Variants in INPP5B observed in about 807,000 individuals in gnomAD.
INPP5B encodes inositol polyphosphate-5-phosphatase B.
In INPP5B, 90 loss-of-function variants were observed where a neutral mutation model predicts 118.5. The observed-to-expected ratio is 0.76, with a 90% CI of 0.64 to 0.90. The LOEUF is 0.90. Ranked by LOEUF, INPP5B falls within the 40% of genes least tolerant of loss-of-function variation. INPP5B has a pLI of 0.00. For missense variants in INPP5B, 984 were observed against 1,125.6 expected (o/e 0.87, Z 1.80); for synonymous variants, 385 against 418.9 (o/e 0.92, Z 0.99).
At chr1:37,930,703 A>C (rs1246298003) in intron 7 of INPP5B, 1 of 152,272 alleles carries the variant, frequency 6.6e-6, no homozygotes, top group Non-Finnish European at 1.5e-5. Flanking sequence ...ACAAGCACCG[A>C]GGAAGTCCTC....
intron 6 of INPP5B, among the ~76,000 whole-genome samples, chr1:37,938,226 G>A (rs541087668): frequency 4.0e-5 from 6 of 151,382 alleles, no homozygotes; most frequent in South Asian, 2.1e-4. Flanking sequence ...CCGAGATTGC[G>A]CCATTGCACT....
intron 3 of INPP5B, among the ~76,000 whole-genome samples, chr1:37,945,025 T>C (rs1337200241): frequency 1.3e-5 from 2 of 151,968 alleles, no homozygotes; most frequent in Non-Finnish European, 2.9e-5. Context: ...TTCCAACACT[T>C]TGGGAGGCTG....
chr1:37,875,519 T>G, intron 17 of INPP5B, 87 bp downstream of exon 17: 1 of 926,978 alleles, frequency 1.1e-6, no homozygotes, highest in South Asian at 1.4e-5. Flanking sequence ...CTGCCCACCT[T>G]GGCCTCCCAA....
intron 7 of INPP5B, among the ~76,000 whole-genome samples, chr1:37,912,518 C>T (rs991513022): frequency 6.6e-5 from 10 of 152,274 alleles, no homozygotes; most frequent in African/African-American, 2.4e-4. Context: ...TTGTTCTGTG[C>T]CCCAAAAACT....
chr1:37,876,837 G>A (rs372118377), intron 16 of INPP5B, among the ~76,000 whole-genome samples: 128 of 151,746 alleles, frequency 8.4e-4, no homozygotes, highest in East Asian at 6.7e-3. Context: ...CCGAGATGGC[G>A]CCACTGCACT....
intron 16 of INPP5B, among the ~76,000 whole-genome samples, chr1:37,876,571 A>AG (rs1642825089): frequency 6.7e-6 from 1 of 148,670 alleles, no homozygotes; most frequent in South Asian, 2.1e-4. Flanking sequence ...AAAAAAAAAA[A>AG]AAAAAAAAAA....
rs559364141 is a variant in INPP5B, at chr1:37,943,747, C to T, written c.250+49G>A. On this transcript the variant is annotated intron_variant, in intron 4 of 23. Coordinates refer to ENST00000373024, the MANE Select transcript of INPP5B (RefSeq NM_005540.3). ...CCCCCCCATCAAGGACAAAGATGAG[C>T]TGGGGGGCCCATAGGAGAGGATTCA... The T allele has an allele frequency of 4.3e-6, 7 of 1,609,908 alleles. No individual in the cohort carries two copies. The African/African-American group carries it at 9.3e-5, about 21-fold the overall frequency.
rs1643605853 is a variant in INPP5B at position 37,887,417 on chromosome 1, G to C, written c.948C>G (p.Thr316=). The C allele has an allele frequency of 6.2e-7, 1 of 1,613,510 alleles. No individual in the cohort carries two copies. The highest frequency in any genetic ancestry group is 1.1e-5 in the South Asian group (1 of 91,038). The change falls in exon 11 of 24, where the codon ACC becomes ACG. Residue 316 remains threonine, a synonymous_variant. Transcript: ENST00000373024. ...CTTTGAACCACTCTTCCTCCTTTGG[G>C]GTATCGTGAAAGAAAAAAGCTTCCT... The part of the protein sequence containing the change: ...LSKEAFFFHD[T]PKEEEWFKAV...
In INPP5B at chr1:37,867,647, TA is replaced by T. The variant is rs1642127289; in HGVS notation, c.2301+853del. ...GAAAATGGAATATCATAAGAATGTATATTTTTTTAAAAAAAGGATGTTGCTC... is the reference window on the plus strand; with the variant it reads ...GAAAATGGAATATCATAAGAATGTATTTTTTTTAAAAAAAGGATGTTGCTC... On this transcript the variant is annotated intron_variant, in intron 20 of 23. Coordinates refer to ENST00000373024, the MANE Select transcript of INPP5B (RefSeq NM_005540.3). Among the ~76,000 whole-genome samples the T allele has an allele frequency of 2.6e-5, 4 of 152,210 alleles. 1 individual carries two copies. The highest frequency in any genetic ancestry group is 2.0e-4 in the Admixed American group (3 of 15,284).
rs763066919 is a variant in INPP5B, at chr1:37,862,321, T to C, written c.2736A>G (p.Pro912=). 1.2e-6 allele frequency: 2 copies of C among 1,606,916 alleles called. No homozygotes were observed. Among genetic ancestry groups the C allele is most frequent in the Admixed American group, 1.7e-5 (1 of 59,976 alleles). ...QEFIHQFLCN[P]L is the part of the protein sequence containing the mutation. ...AATAGGAGGAGAGAGAGGCTCAGAGTGGGTTGCAGAGGAACTGGTGAATAA... is the reference window on the plus strand; with the variant it reads ...AATAGGAGGAGAGAGAGGCTCAGAGCGGGTTGCAGAGGAACTGGTGAATAA... Residue 912 remains proline, a synonymous_variant, in exon 24 of 24, where the codon CCA becomes CCG. Coordinates refer to ENST00000373024, the MANE Select transcript of INPP5B (RefSeq NM_005540.3).
chr1:37,866,034 C>G lies in INPP5B; in HGVS notation c.2387-146G>C, dbSNP rs1642008477. ...TGCCAGCCTAACTTCTCGAAGGGAC[C>G]ACACTGTTTGTCAGGTGAGCCAGGC... is the stretch of plus-strand genomic sequence containing the variant. On this transcript the variant is annotated intron_variant, in intron 21 of 23. Coordinates refer to ENST00000373024, the MANE Select transcript of INPP5B (RefSeq NM_005540.3). 3 of 1,339,904 alleles carry G rather than the reference C, an allele frequency of 2.2e-6. No homozygotes were observed. The South Asian group carries it at 4.3e-5, about 19-fold the overall frequency. 83.0% of individuals were successfully genotyped at this position (1,339,904 alleles called of 1,614,324 possible). A position where few individuals can be genotyped will look rare whatever the true frequency, so the allele number is the denominator to read the frequency against.
intron 6 of INPP5B, among the ~76,000 whole-genome samples, chr1:37,935,509 T>C (rs1299318299): frequency 1.3e-5 from 2 of 151,496 alleles, no homozygotes; most frequent in African/African-American, 2.4e-5. Context: ...TTCTTATCTC[T>C]GCGGATGAAG....
intron 23 of INPP5B, among the ~76,000 whole-genome samples, chr1:37,863,918 G>A (rs773989760): frequency 4.0e-5 from 6 of 150,738 alleles, no homozygotes; most frequent in Admixed American, 3.3e-4. Context: ...AGTTTCAAGC[G>A]ATTCTCCTAA....
intron 7 of INPP5B, among the ~76,000 whole-genome samples, chr1:37,913,875 C>CA (rs1451296359): frequency 1.3e-5 from 2 of 152,178 alleles, no homozygotes; most frequent in Non-Finnish European, 2.9e-5. Context: ...TGAAGATCCA[C>CA]AAAAGAACTG....
chr1:37,893,009 T>C (rs1216590054), intron 7 of INPP5B, among the ~76,000 whole-genome samples: 1 of 152,072 alleles, frequency 6.6e-6, no homozygotes, highest in Non-Finnish European at 1.5e-5. Context: ...CCTCCAAAAC[T>C]GTGAAAAATA....
At chr1:37,898,561 G>A (rs1055063970) in intron 7 of INPP5B, among the ~76,000 whole-genome samples, 8 of 152,040 alleles carry the variant, frequency 5.3e-5, no homozygotes, top group Non-Finnish European at 8.8e-5. Flanking sequence ...CGGGAGCGGT[G>A]GCAGGCACCT....
chr1:37,862,520 ATG>A, intron 23 of INPP5B, 90 bp from the exon 24 acceptor site: 2 of 814,636 alleles, frequency 2.5e-6, no homozygotes, highest in Admixed American at 1.9e-5. Flanking sequence ...GTTCTGAGAA[ATG>A]TGTCATTAGG....
chr1:37,886,806 G>T, intron 12 of INPP5B, 82 bp downstream of exon 12: 4 of 943,666 alleles, frequency 4.2e-6, no homozygotes, highest in Non-Finnish European at 6.9e-6. Context: ...TGGGACACGT[G>T]TAGTCACTGT....
chr1:37,908,928 C>G (rs1644592866), intron 7 of INPP5B, among the ~76,000 whole-genome samples: 1 of 152,148 alleles, frequency 6.6e-6, no homozygotes, highest in East Asian at 1.9e-4. Context: ...GCCATTCTCC[C>G]TTCTTCTCCT....
Sources: gnomAD v4.1 joint callset for allele counts (sites outside exome capture counted in the v4.1 genomes callset) on GRCh38, gnomAD v4.1.1 for gene constraint, MANE v1.5 for transcripts, NCBI Gene and HGNC (gene_info 2026-07-23, HGNC 2026-07-21) for gene names.